The following ZNF711 variants were observed in gnomAD, a reference collection of about 807,000 sequenced individuals.
ZNF711 encodes zinc finger protein 711.
A neutral mutation model predicts 43.5 loss-of-function variants in ZNF711; 3 were observed. The ratio of observed to expected loss-of-function variants is 0.07; its 90% CI spans 0.03 to 0.18. The LOEUF (loss-of-function observed/expected upper bound fraction) is 0.18, where lower values mean the gene tolerates loss of function less well. ZNF711 is among the 10% of genes least tolerant of loss of function. ZNF711 has a pLI of 1.00. For missense variants in ZNF711, 412 were observed against 604.0 expected (o/e 0.68, Z 3.33); for synonymous variants, 209 against 207.7 (o/e 1.01, Z -0.06).
chrX:85,254,944 G>GT (rs1479207994), intron 4 of ZNF711, among the ~76,000 whole-genome samples: 1 of 111,707 alleles, frequency 9.0e-6, no homozygotes, highest in African/African-American at 3.3e-5. Context: ...TGCTATCACT[G>GT]TTTTTTGTGT....
At chrX:85,248,241 G>A (rs951591500) in intron 4 of ZNF711, among the ~76,000 whole-genome samples, 1 of 107,484 alleles carries the variant, frequency 9.3e-6, no homozygotes, top group East Asian at 2.9e-4. Context: ...AGGCAAAGGC[G>A]GGCGGATCAC....
At chrX:85,247,300 T>A (rs1929115888) in intron 3 of ZNF711, 112 bp downstream of exon 3, 1 of 325,104 alleles carries the variant, frequency 3.1e-6, no homozygotes, top group African/African-American at 2.7e-5. Flanking sequence ...TTCTACCACT[T>A]CCCTATGGCT....
In ZNF711 at chrX:85,254,407, A is replaced by G. The variant is rs374091376; in HGVS notation, c.80-852A>G. On this transcript the variant is annotated intron_variant, in intron 4 of 10. Coordinates refer to ENST00000674551, the MANE Select transcript of ZNF711 (RefSeq NM_001330574.2). ...ATCATGAGGTCAGGAGATCGAGACCATCCTGGCTAACAAGGTGAAACCCCG... is the reference window on the plus strand; with the variant it reads ...ATCATGAGGTCAGGAGATCGAGACCGTCCTGGCTAACAAGGTGAAACCCCG... 8.4e-5 allele frequency among the ~76,000 whole-genome samples: 7 copies of G among 83,303 alleles called. 1 individual carries two copies. In the East Asian group the frequency reaches 1.8e-3, roughly 21 times the overall value. The allele number at this position is 83,303 out of a possible 115,157, so 72.3% of individuals were successfully genotyped here. A position where few individuals can be genotyped will look rare whatever the true frequency, so the allele number is the denominator to read the frequency against.
Position 85,245,610 on chromosome X carries a change from C to T in ZNF711, c.-405-293C>T, listed in dbSNP as rs752954261. Among the ~76,000 whole-genome samples, 11 of 112,269 alleles carry T rather than the reference C, an allele frequency of 9.8e-5. No individual in the cohort carries two copies. In the South Asian group the frequency reaches 2.6e-3, roughly 27 times the overall value. ...GCAAGGATAAAGCTTGCCCTTGATTCTCTTTCACTTTCTAAAATAAGGTGT... is the reference window on the plus strand; with the variant it reads ...GCAAGGATAAAGCTTGCCCTTGATTTTCTTTCACTTTCTAAAATAAGGTGT... On this transcript the variant is annotated intron_variant, in intron 1 of 10. Transcript: ENST00000674551.
chrX:85,246,169 G>C (rs1228433328), intron 2 of ZNF711, 147 bp downstream of exon 2: 1 of 110,787 alleles, frequency 9.0e-6, no homozygotes, highest in Non-Finnish European at 1.9e-5. Context: ...ATAGTACACT[G>C]TTTTAAATGT....
At position 85,251,084 on chromosome X, in the gene ZNF711, C is replaced by A. The variant is rs1189820467; in HGVS notation, c.79+3433C>A. On this transcript the variant is annotated intron_variant, in intron 4 of 10. Transcript: ENST00000674551. The stretch of plus-strand genomic sequence containing the variant: ...AAATTAGATACATTCTCTTTAAATT[C>A]TGTTAGCGTCAAAACTTAGATATTT... 2.7e-5 allele frequency among the ~76,000 whole-genome samples: 3 copies of A among 111,176 alleles called. No homozygotes were observed. In the Admixed American group the frequency reaches 2.9e-4, roughly 11 times the overall value.
At position 85,264,311 on chromosome X, in the gene ZNF711, A is replaced by T; in HGVS notation, c.659A>T (p.Asn220Ile). 1 of 1,204,700 alleles carries T rather than the reference A, an allele frequency of 8.3e-7. No homozygotes were observed. The highest frequency in any genetic ancestry group is 1.8e-5 in the South Asian group (1 of 56,719). ...DVGEKLEHMG[N>I]TPLKIGSDGS... ...GGAGAAAAATTAGAGCATATGGGGAATACACCATTAAAAATTGGCAGTGAT... is the reference window on the plus strand; with the variant it reads ...GGAGAAAAATTAGAGCATATGGGGATTACACCATTAAAAATTGGCAGTGAT... The change falls in exon 6 of 11, where the codon AAT becomes ATT. Residue 220 changes from asparagine (N) to isoleucine (I), a missense_variant. Around this residue, in one of 4 missense-constraint regions of ZNF711, gnomAD observed 375 missense variants for 514.2 expected, o/e 0.73. Coordinates refer to ENST00000674551, the MANE Select transcript of ZNF711 (RefSeq NM_001330574.2).
At chrX:85,245,302 T>C (rs1311940574) in intron 1 of ZNF711, among the ~76,000 whole-genome samples, 1 of 112,432 alleles carries the variant, frequency 8.9e-6, no homozygotes, top group Non-Finnish European at 1.9e-5. Context: ...AGATGTTTAC[T>C]TGAGACGTAC....
In ZNF711 at chrX:85,244,102, A is replaced by G. The variant is rs1224365226; in HGVS notation, c.-495A>G. 6.8e-6 allele frequency: 1 copy of G among 147,272 alleles called. No individual in the cohort carries two copies. Among genetic ancestry groups the G allele is most frequent in the African/African-American group, 3.2e-5 (1 of 31,007 alleles). The allele number at this position is 147,272 out of a possible 1,213,427, so 12.1% of individuals were successfully genotyped here. A position where few individuals can be genotyped will look rare whatever the true frequency, so the allele number is the denominator to read the frequency against. ...CCCCGCAGCCATCCAGAGCGCGGTC[A>G]CAGTCCGACTGGCGGCACGGAGGCG... On this transcript the variant is annotated 5_prime_UTR_variant, in exon 1 of 11. Coordinates refer to ENST00000674551, the MANE Select transcript of ZNF711 (RefSeq NM_001330574.2).
intron 5 of ZNF711, among the ~76,000 whole-genome samples, chrX:85,257,547 C>T (rs1420501802): frequency 8.9e-6 from 1 of 111,810 alleles, no homozygotes; most frequent in Non-Finnish European, 1.9e-5. Flanking sequence ...GTATATGTAC[C>T]ACATTTCCTT....
intron 4 of ZNF711, among the ~76,000 whole-genome samples, chrX:85,249,101 G>T (rs187591180): frequency 2.9e-4 from 32 of 112,012 alleles, no homozygotes; most frequent in Admixed American, 2.6e-3. Flanking sequence ...AGAAATCGTG[G>T]ATGTATTCTT....
chrX:85,258,683 ATGTT>A (rs1396925864), intron 5 of ZNF711, among the ~76,000 whole-genome samples: 7 of 110,056 alleles, frequency 6.4e-5, no homozygotes, highest in Non-Finnish European at 1.3e-4. Context: ...TTTTTTTCCT[ATGTT>A]TGTTGACCAC....
At position 85,248,440 on chromosome X, in the gene ZNF711, C is replaced by T. The variant is rs371582197; in HGVS notation, c.79+789C>T. ...GCTGAGCTGAGATGGTGCCACTGCA[C>T]TCCAGCCTGGTGACAGAATGAGACT... On this transcript the variant is annotated intron_variant, in intron 4 of 10. Coordinates refer to ENST00000674551, the MANE Select transcript of ZNF711 (RefSeq NM_001330574.2). Among the ~76,000 whole-genome samples the T allele has an allele frequency of 3.2e-5, 3 of 93,976 alleles. No homozygotes were observed. In the East Asian group the frequency reaches 9.9e-4, roughly 31 times the overall value. The allele number at this position is 93,976 out of a possible 115,157, so 81.6% of individuals were successfully genotyped here.
At chrX:85,253,764 G>GACACACACAC (rs756155292) in intron 4 of ZNF711, among the ~76,000 whole-genome samples, 205 of 90,538 alleles carry the variant, frequency 2.3e-3, no homozygotes, top group African/African-American at 2.9e-3. Flanking sequence ...TGTGTTCACA[G>GACACACACAC]ACACACACAC....
At chrX:85,250,248 A>G (rs1238683800) in intron 4 of ZNF711, among the ~76,000 whole-genome samples, 1 of 111,918 alleles carries the variant, frequency 8.9e-6, no homozygotes, top group Non-Finnish European at 1.9e-5. Flanking sequence ...CACAGAATAA[A>G]TAGCAGAGCC....
At position 85,270,043 on chromosome X, in the gene ZNF711, A is replaced by T. The variant is rs1222365924; in HGVS notation, c.1143A>T (p.Thr381=). The T allele has an allele frequency of 8.3e-7, 1 of 1,210,489 alleles. No individual in the cohort carries two copies. Among genetic ancestry groups the T allele is most frequent in the Non-Finnish European group, 1.1e-6 (1 of 894,508 alleles). Residue 381 remains threonine (T), a synonymous_variant, in exon 10 of 11, where the codon ACA becomes ACT. Transcript: ENST00000674551. The part of the protein sequence containing the change: ...LDSALESRSS[T]AAQYLQICDG... ...CAGCATTAGAAAGCAGAAGTAGTAC[A>T]GCAGCACAGTACCTTCAAATTTGTG...
rs757698163 is a variant in ZNF711 at position 85,246,656 on chromosome X, G to A, written c.-285-274G>A. 2.0e-4 allele frequency among the ~76,000 whole-genome samples: 22 copies of A among 112,047 alleles called. No individual in the cohort carries two copies. In the East Asian group the frequency reaches 3.9e-3, roughly 20 times the overall value. On this transcript the variant is annotated intron_variant, in intron 2 of 10. Coordinates refer to ENST00000674551, the MANE Select transcript of ZNF711 (RefSeq NM_001330574.2). ...TTTGTTGATTTACTTAGAATCTTAT[G>A]TTTGAAGAGAAAATGCACATATATG... is the stretch of plus-strand genomic sequence containing the variant.
In ZNF711 at chrX:85,265,143, T is replaced by C. The variant is rs769306112; in HGVS notation, c.804T>C (p.Ser268=). The change falls in exon 7 of 11, where the codon AGT becomes AGC. Residue 268 remains serine, a synonymous_variant. Coordinates refer to ENST00000674551, the MANE Select transcript of ZNF711 (RefSeq NM_001330574.2). The part of the protein sequence containing the change: ...EIGGTEIVTE[S]EYTSGHSVAG... ...GTGGAACAGAAATTGTCACAGAGAG[T>C]GAGTACACCAGTGGACATTCAGTAG... is the stretch of plus-strand genomic sequence containing the variant. 66 of 1,208,491 alleles carry C rather than the reference T, an allele frequency of 5.5e-5. No individual in the cohort carries two copies. Among genetic ancestry groups the C allele is most frequent in the Non-Finnish European group, 6.9e-5 (62 of 893,446 alleles).
At chrX:85,264,214 GTTT>G in intron 5 of ZNF711, 58 bp from the exon 6 acceptor site, 1 of 1,001,700 alleles carries the variant, frequency 1.0e-6, no homozygotes, top group Non-Finnish European at 1.4e-6. Flanking sequence ...AATTTTTCTT[GTTT>G]TGTTGTTTTT....
Sources: gnomAD v4.1 joint callset for allele counts (sites outside exome capture counted in the v4.1 genomes callset) on GRCh38, gnomAD v4.1.1 for gene constraint, gnomAD v4.1.1 regional missense constraint, MANE v1.5 for transcripts, NCBI Gene and HGNC (gene_info 2026-07-23, HGNC 2026-07-21) for gene names.